Variants in ARID3B observed in about 807,000 individuals in gnomAD.
The protein encoded by ARID3B is AT-rich interaction domain 3B, also known as AT-rich interactive domain-containing protein 3B.
In ARID3B, 10 loss-of-function variants were observed where a neutral mutation model predicts 51.9. The observed-to-expected ratio is 0.19, with a 90% CI of 0.12 to 0.33. ARID3B has a LOEUF of 0.33. ARID3B is among the 10% of genes least tolerant of loss of function. The probability of loss-of-function intolerance (pLI) is 1.00; values close to 1 mark genes in which losing one functional copy is unlikely to be tolerated. For missense variants in ARID3B, 483 were observed against 716.3 expected, an observed-to-expected ratio of 0.67 and a Z score of 3.72; for synonymous variants, 205 against 279.5, an observed-to-expected ratio of 0.73 and a Z score of 2.66.
Position 74,589,021 on chromosome 15 carries a change from CTTTTTTTTTTTT to C in ARID3B, c.698-782_698-771del, listed in dbSNP as rs900091332. Reference sequence around the variant, plus strand: ...GCAGGCATGTGCAAACAAGCACACTCTTTTTTTTTTTTTTTTTTTTTTTTTTTTAAGACAGTC... The same window carrying C: ...GCAGGCATGTGCAAACAAGCACACTCTTTTTTTTTTTTTTTTAAGACAGTC... On this transcript the variant is annotated intron_variant, in intron 4 of 8. Coordinates refer to ENST00000346246, the MANE Select transcript of ARID3B (RefSeq NM_006465.4). Among the ~76,000 whole-genome samples the C allele has an allele frequency of 5.0e-4, 44 of 87,850 alleles. 2 individuals carry two copies. The highest frequency in any genetic ancestry group is 1.0e-3 in the South Asian group (2 of 1,912). The allele number at this position is 87,850 out of a possible 152,430, so 57.6% of individuals were successfully genotyped here. A position where few individuals can be genotyped will look rare whatever the true frequency, so the allele number is the denominator to read the frequency against.
intron 4 of ARID3B, among the ~76,000 whole-genome samples, chr15:74,589,170 G>T (rs899302279): frequency 1.3e-5 from 2 of 151,728 alleles, no homozygotes; most frequent in East Asian, 3.9e-4. Context: ...TGGGACTACA[G>T]GCGCCTGCCA....
chr15:74,545,782 G>T (rs2061613602), intron 2 of ARID3B, among the ~76,000 whole-genome samples: 1 of 152,198 alleles, frequency 6.6e-6, no homozygotes, highest in Admixed American at 6.5e-5. Flanking sequence ...CAGTAGATCT[G>T]AGTTTTACAA....
chr15:74,576,942 G>A (rs1226229732), intron 4 of ARID3B, among the ~76,000 whole-genome samples: 1 of 152,202 alleles, frequency 6.6e-6, no homozygotes, highest in Non-Finnish European at 1.5e-5. Flanking sequence ...TCCTGGATGG[G>A]TCAGCTGGCA....
chr15:74,574,765 GAGGCCA>G (rs1024617448), intron 4 of ARID3B: 3 of 152,212 alleles, frequency 2.0e-5, no homozygotes, highest in African/African-American at 7.2e-5. Context: ...AGCACTTTGG[GAGGCCA>G]AGGTGGGTGG....
intron 2 of ARID3B, among the ~76,000 whole-genome samples, chr15:74,557,022 G>T (rs916466533): frequency 6.6e-6 from 1 of 151,710 alleles, no homozygotes; most frequent in African/African-American, 2.4e-5. Context: ...TGATCCACCC[G>T]CTTCGGCCTC....
intron 2 of ARID3B, among the ~76,000 whole-genome samples, chr15:74,563,344 C>T (rs997663431): frequency 5.3e-5 from 8 of 152,244 alleles, no homozygotes; most frequent in Non-Finnish European, 1.0e-4. Context: ...TAAACACAAA[C>T]TGTGACTGTG....
At chr15:74,581,549 C>A (rs1214356640) in intron 4 of ARID3B, among the ~76,000 whole-genome samples, 1 of 152,110 alleles carries the variant, frequency 6.6e-6, no homozygotes, top group Admixed American at 6.5e-5. Flanking sequence ...AAATGCAAAT[C>A]TTTTAGTGTC....
intron 4 of ARID3B, among the ~76,000 whole-genome samples, chr15:74,587,615 C>T (rs1347170626): frequency 6.6e-6 from 1 of 152,060 alleles, no homozygotes; most frequent in East Asian, 1.9e-4. Context: ...GGGAGTGGTC[C>T]TCTCAGACAC....
chr15:74,567,618 A>G (rs2061704217), intron 2 of ARID3B, among the ~76,000 whole-genome samples: 2 of 152,054 alleles, frequency 1.3e-5, no homozygotes. Flanking sequence ...GACATGCCAT[A>G]CAGATAGTCA....
At chr15:74,595,197 C>T (rs570371184) in intron 8 of ARID3B, among the ~76,000 whole-genome samples, 2 of 152,156 alleles carry the variant, frequency 1.3e-5, no homozygotes, top group Non-Finnish European at 2.9e-5. Context: ...CCATGCCCAG[C>T]TAATTTTAAA....
Position 74,544,351 on chromosome 15 carries a change from A to G in ARID3B, c.415A>G (p.Asn139Asp), listed in dbSNP as rs1239529955. The change falls in exon 2 of 9, where the codon AAT (asparagine) becomes GAT (aspartate). Residue 139 changes from asparagine to aspartate, a missense_variant. Coordinates refer to ENST00000346246, the MANE Select transcript of ARID3B (RefSeq NM_006465.4). ...RQDPRVAPMS[N>D]LLPAPGLPPH... ...AGATCCCAGAGTGGCACCCATGTCCAATCTACTTCCAGCACCAGGGCTCCC... is the reference window on the plus strand; with the variant it reads ...AGATCCCAGAGTGGCACCCATGTCCGATCTACTTCCAGCACCAGGGCTCCC... 4 of 1,612,720 alleles carry G rather than the reference A, an allele frequency of 2.5e-6. No individual in the cohort carries two copies. In the South Asian group the frequency reaches 3.3e-5, roughly 13 times the overall value.
chr15:74,583,773 T>C (rs956326909), intron 4 of ARID3B, among the ~76,000 whole-genome samples: 2 of 152,112 alleles, frequency 1.3e-5, no homozygotes, highest in African/African-American at 4.8e-5. Flanking sequence ...GAGGTGTATT[T>C]GGAAGTACAC....
Position 74,591,464 on chromosome 15 carries a change from A to T in ARID3B, c.1165+30A>T. 6.3e-7 allele frequency: 1 copy of T among 1,595,340 alleles called. No homozygotes were observed. Among genetic ancestry groups the T allele is most frequent in the South Asian group, 1.1e-5 (1 of 89,614 alleles). ...GCAGGGCTCCTGGGGGAGAAGGAAG[A>T]AAGGGAGGAAGGGATGCCAGTTCCC... On this transcript the variant is annotated intron_variant, in intron 6 of 8. Transcript: ENST00000346246. This position sits in a 1 kb window ranked among gnomAD's most constrained non-coding sequence, Gnocchi z 5.8.
chr15:74,544,131 C>G lies in ARID3B; in HGVS notation c.195C>G (p.Pro65=), dbSNP rs746266324. The G allele has an allele frequency of 3.7e-6, 6 of 1,613,842 alleles. No homozygotes were observed. The South Asian group carries it at 6.6e-5, about 18-fold the overall frequency. ...ATAGRPSGST[P]LGPLARVPPT... The stretch of plus-strand genomic sequence containing the variant: ...CTGGGAGACCTTCTGGCAGCACTCC[C>G]TTAGGTCCCTTAGCCAGAGTTCCAC... Residue 65 remains proline (P), a synonymous_variant, in exon 2 of 9, where the codon CCC becomes CCG. Coordinates refer to ENST00000346246, the MANE Select transcript of ARID3B (RefSeq NM_006465.4).
In ARID3B at chr15:74,591,186, A is replaced by C. The variant is rs1357326276; in HGVS notation, c.917A>C (p.Lys306Thr). The part of the protein sequence containing the change: ...MKYLYAYECE[K>T]KALSSPAELQ... ...TATCTGTATGCCTATGAGTGTGAGA[A>C]GAAAGCCTTGAGTTCCCCAGCCGAG... Residue 306 changes from lysine to threonine, a missense_variant, in exon 6 of 9, where the codon AAG becomes ACG. Around this residue, in one of 3 missense-constraint regions of ARID3B, gnomAD observed 265 missense variants for 354.4 expected, o/e 0.75. Transcript: ENST00000346246. This position sits in a 1 kb window ranked among gnomAD's most constrained non-coding sequence, Gnocchi z 5.8. The C allele has an allele frequency of 1.7e-5, 27 of 1,611,910 alleles. No homozygotes were observed. Among genetic ancestry groups the C allele is most frequent in the Non-Finnish European group, 2.2e-5 (26 of 1,178,398 alleles).
intron 4 of ARID3B, among the ~76,000 whole-genome samples, chr15:74,589,261 C>T (rs565615463): frequency 1.6e-3 from 242 of 151,986 alleles, no homozygotes; most frequent in Non-Finnish European, 2.7e-3. Flanking sequence ...GATCTCCTGA[C>T]CTCGTGATCT....
At chr15:74,570,754 A>C (rs572488250) in intron 2 of ARID3B, among the ~76,000 whole-genome samples, 7 of 152,228 alleles carry the variant, frequency 4.6e-5, no homozygotes, top group African/African-American at 1.7e-4. Flanking sequence ...GAAAGGGGGA[A>C]TGTAACTCTG....
chr15:74,563,123 A>G (rs1216846016), intron 2 of ARID3B, among the ~76,000 whole-genome samples: 1 of 152,224 alleles, frequency 6.6e-6, no homozygotes, highest in Non-Finnish European at 1.5e-5. Flanking sequence ...ACCACCTGTC[A>G]GGCCCTGTGC....
chr15:74,580,705 G>A (rs2061758869), intron 4 of ARID3B, among the ~76,000 whole-genome samples: 1 of 152,166 alleles, frequency 6.6e-6, no homozygotes, highest in African/African-American at 2.4e-5. Flanking sequence ...TCCCAGGCCA[G>A]TGTGCTTTGC....
Sources: allele counts gnomAD v4.1 joint callset (sites outside exome capture counted in the v4.1 genomes callset), GRCh38; gene constraint gnomAD v4.1.1; regional missense constraint gnomAD v4.1.1; non-coding constraint Gnocchi (gnomAD v3.1); transcripts MANE v1.5; gene names NCBI Gene and HGNC (gene_info 2026-07-23, HGNC 2026-07-21).